SMG1: variants seen among roughly 807,000 people sequenced by gnomAD.
The protein encoded by SMG1 is SMG1 nonsense mediated mRNA decay associated PI3K related kinase, also known as serine/threonine-protein kinase SMG1.
A neutral mutation model predicts 419.9 loss-of-function variants in SMG1; 22 were observed. The ratio of observed to expected loss-of-function variants is 0.05; its 90% CI spans 0.04 to 0.07. The LOEUF (loss-of-function observed/expected upper bound fraction) is 0.07, where lower values mean the gene tolerates loss of function less well. Among genes scored for constraint, SMG1 ranks in the 10% least tolerant of loss-of-function variants. The probability of loss-of-function intolerance (pLI) is 1.00; values close to 1 mark genes in which losing one functional copy is unlikely to be tolerated. For missense variants in SMG1, 3,185 were observed against 4,342.0 expected, an observed-to-expected ratio of 0.73 and a Z score of 7.49; for synonymous variants, 1,538 against 1,553.5, an observed-to-expected ratio of 0.99 and a Z score of 0.23.
At chr16:18,854,987 A>G in intron 29 of SMG1, 83 bp from the exon 30 acceptor site, 4 of 1,347,430 alleles carry the variant, frequency 3.0e-6, no homozygotes, top group Non-Finnish European at 4.1e-6. Flanking sequence ...TTATTCCCCA[A>G]CTATCCCTCT....
At chr16:18,872,369 C>G (rs1390855952) in intron 14 of SMG1, 24 bp from the exon 15 acceptor site, 1 of 1,538,658 alleles carries the variant, frequency 6.5e-7, no homozygotes, top group Non-Finnish European at 8.7e-7. Context: ...CACAGATTAT[C>G]TTTTCATCTT....
At chr16:18,874,024 A>G (rs2035970011) in intron 13 of SMG1, among the ~76,000 whole-genome samples, 1 of 152,260 alleles carries the variant, frequency 6.6e-6, no homozygotes, top group Non-Finnish European at 1.5e-5. Flanking sequence ...CAGCTATGGA[A>G]TTATACAAGG....
At chr16:18,884,469 CA>C (rs1174672293) in intron 8 of SMG1, among the ~76,000 whole-genome samples, 2 of 152,166 alleles carry the variant, frequency 1.3e-5, no homozygotes, top group Non-Finnish European at 2.9e-5. Flanking sequence ...TAAACTGCCA[CA>C]ATCTACCATT....
At chr16:18,856,556 C>A (rs2141438357) in intron 29 of SMG1, 1 of 152,158 alleles carries the variant, frequency 6.6e-6, no homozygotes, top group Middle Eastern at 3.4e-3. Flanking sequence ...CCAGGATGGT[C>A]TCAATCTCCT....
intron 25 of SMG1, 110 bp downstream of exon 25, chr16:18,863,540 T>C (rs1329432109): frequency 3.1e-6 from 3 of 978,538 alleles, no homozygotes; most frequent in Non-Finnish European, 4.8e-6. Context: ...AAGTTAGATA[T>C]ATAACCATTT....
At chr16:18,911,347 CA>C (rs11319915) in intron 1 of SMG1, 139,653 of 150,864 alleles carry the variant, frequency 0.93, 64,848 homozygotes, top group Non-Finnish European at 0.97. Flanking sequence ...ACTAAAAATA[CA>C]AAAAAAAAAA....
At chr16:18,881,389 CA>C (rs2036390455) in intron 10 of SMG1, among the ~76,000 whole-genome samples, 1 of 152,156 alleles carries the variant, frequency 6.6e-6, no homozygotes, top group Non-Finnish European at 1.5e-5. Flanking sequence ...TAAGTTCTGA[CA>C]TTTCTGCTCA....
intron 55 of SMG1, among the ~76,000 whole-genome samples, chr16:18,821,063 C>T (rs1156685199): frequency 6.6e-6 from 1 of 152,150 alleles, no homozygotes; most frequent in Non-Finnish European, 1.5e-5. Flanking sequence ...AATGCCCATG[C>T]TTGTTAGCTA....
At position 18,852,188 on chromosome 16, in the gene SMG1, C is replaced by G; in HGVS notation, c.4931G>C (p.Arg1644Pro). ...VDNASQGEGV[R>P]LLPREKSEVQ... is the part of the protein sequence containing the mutation. ...TTCAGATTTTTCTCTAGGCAGCAGA[C>G]GAACACCTTCTCCCTGACTATAAAA... The change falls in exon 33 of 63, where the codon CGT becomes CCT. Residue 1644 changes from arginine to proline, a missense_variant. Arg to Pro is a moderately radical substitution (Grantham distance 103). Around this residue, in one of 27 missense-constraint regions of SMG1, gnomAD observed 493 missense variants for 552.9 expected, o/e 0.89. Transcript: ENST00000446231. 1 of 1,613,494 alleles carries G rather than the reference C, an allele frequency of 6.2e-7. No homozygotes were observed. Among genetic ancestry groups the G allele is most frequent in the Non-Finnish European group, 8.5e-7 (1 of 1,179,714 alleles).
chr16:18,907,235 C>A (rs549554006), intron 1 of SMG1, among the ~76,000 whole-genome samples: 3 of 151,496 alleles, frequency 2.0e-5, no homozygotes, highest in Non-Finnish European at 2.9e-5. Context: ...TGAGCCGAGA[C>A]TGCGCCAATG....
chr16:18,851,425 G>A (rs1303968216), intron 33 of SMG1, among the ~76,000 whole-genome samples: 5 of 152,286 alleles, frequency 3.3e-5, no homozygotes, highest in East Asian at 1.9e-4. Flanking sequence ...GCGCACACAC[G>A]TCTCATTCAG....
chr16:18,902,806 A>AT (rs1438305838), intron 1 of SMG1, among the ~76,000 whole-genome samples: 6 of 152,158 alleles, frequency 3.9e-5, no homozygotes, highest in African/African-American at 1.4e-4. Flanking sequence ...CTCTGCACTC[A>AT]TATTTAAAAC....
intron 45 of SMG1, 36 bp downstream of exon 45, chr16:18,837,978 A>G: frequency 6.3e-7 from 1 of 1,599,268 alleles, no homozygotes; most frequent in Non-Finnish European, 8.5e-7. Flanking sequence ...TATTAATAAA[A>G]AGAAGACAAT....
intron 33 of SMG1, 118 bp from the exon 34 acceptor site, chr16:18,850,585 A>AT: frequency 1.5e-6 from 1 of 659,588 alleles, no homozygotes; most frequent in East Asian, 2.7e-5. Context: ...ATTATCCCAC[A>AT]TTTAGTGTTA....
At chr16:18,897,469 G>T (rs1246213177) in intron 1 of SMG1, among the ~76,000 whole-genome samples, 1 of 152,304 alleles carries the variant, frequency 6.6e-6, no homozygotes, top group Non-Finnish European at 1.5e-5. Context: ...ATTAGGTACT[G>T]TAGTATTGAA....
Position 18,869,230 on chromosome 16 carries a change from G to A in SMG1, c.2707C>T (p.Arg903Cys), listed in dbSNP as rs200919633. The part of the protein sequence containing the change: ...LDKRDQSTIP[R>C]NLLKTDAVLW... ...ACAGCATCTGTCTTCAGGAGATTGCGTGGAATTGTTGACTGGTCACGCTTA... is the reference window on the plus strand; with the variant it reads ...ACAGCATCTGTCTTCAGGAGATTGCATGGAATTGTTGACTGGTCACGCTTA... The change falls in exon 20 of 63, where the codon CGC (arginine) becomes TGC (cysteine). Residue 903 changes from arginine (R) to cysteine (C), a missense_variant. By Grantham distance (180) the Arg-to-Cys change is radical (BLOSUM62 -3). This residue lies in a region of SMG1 where 48 missense variants were observed against 48.8 expected (regional missense o/e 0.98). Coordinates refer to ENST00000446231, the MANE Select transcript of SMG1 (RefSeq NM_015092.5). 59 of 1,611,582 alleles carry A rather than the reference G, an allele frequency of 3.7e-5. No individual in the cohort carries two copies. Among genetic ancestry groups the A allele is most frequent in the Middle Eastern group, 2.3e-4 (1 of 4,430 alleles).
In SMG1 at chr16:18,835,131, TGGG is replaced by T. The variant is rs2033473440; in HGVS notation, c.8088_8090del (p.Pro2697del). 4 of 1,612,176 alleles carry T rather than the reference TGGG, an allele frequency of 2.5e-6. No individual in the cohort carries two copies. The highest frequency in any genetic ancestry group is 1.3e-5 in the African/African-American group (1 of 74,888). On this transcript the variant is annotated inframe_deletion, in exon 49 of 63. Coordinates refer to ENST00000446231, the MANE Select transcript of SMG1 (RefSeq NM_015092.5). ...TGGCAGTGATGAACTGACACACTGT[TGGG>T]GGTGGCTGGGGAGCATATTGCATTT...
intron 3 of SMG1, among the ~76,000 whole-genome samples, chr16:18,893,697 C>T (rs1005194963): frequency 2.6e-5 from 4 of 151,898 alleles, no homozygotes; most frequent in African/African-American, 7.3e-5. Flanking sequence ...CCAATACATA[C>T]GTAAACAACA....
At chr16:18,881,347 T>C (rs1039968133) in intron 10 of SMG1, among the ~76,000 whole-genome samples, 5 of 149,094 alleles carry the variant, frequency 3.4e-5, no homozygotes, top group African/African-American at 9.7e-5. Context: ...TGAAACCATA[T>C]TGGTTTAAAA....
Sources: allele counts gnomAD v4.1 joint callset (sites outside exome capture counted in the v4.1 genomes callset), GRCh38; gene constraint gnomAD v4.1.1; regional missense constraint gnomAD v4.1.1; transcripts MANE v1.5; gene names NCBI Gene and HGNC (gene_info 2026-07-23, HGNC 2026-07-21).